ATL2: variants seen among roughly 807,000 people sequenced by gnomAD.
ATL2 encodes atlastin GTPase 2, also known as atlastin-2.
A neutral mutation model predicts 73.9 loss-of-function variants in ATL2; 31 were observed. The ratio of observed to expected loss-of-function variants is 0.42; its 90% CI spans 0.32 to 0.57. ATL2 has a LOEUF of 0.57. Among genes scored for constraint, ATL2 ranks in the 20% least tolerant of loss-of-function variants. The pLI is 0.14. For synonymous variants in ATL2, 291 were observed against 237.5 expected (o/e 1.23, Z -2.07); for missense variants, 738 against 702.6 (o/e 1.05, Z -0.57).
Position 38,363,019 on chromosome 2 carries a change from T to C in ATL2, c.118+14124A>G, listed in dbSNP as rs573992223. Among the ~76,000 whole-genome samples the C allele has an allele frequency of 4.9e-4, 74 of 152,352 alleles. 1 individual carries two copies. In the East Asian group the frequency reaches 0.014, roughly 29 times the overall value. On this transcript the variant is annotated intron_variant, in intron 1 of 12. Transcript: ENST00000378954. ...TAATTTTAGGTGTTGTAGCTTTTAC[T>C]ACAGAAGAGTGAAAAACACAGAGTG...
intron 7 of ATL2, among the ~76,000 whole-genome samples, chr2:38,310,690 T>C (rs1667711599): frequency 6.8e-6 from 1 of 147,412 alleles, no homozygotes; most frequent in Non-Finnish European, 1.5e-5. Context: ...CAGGCTGGAG[T>C]GCAATGGTGC....
chr2:38,318,667 A>G, intron 3 of ATL2, 28 bp from the exon 4 acceptor site: 2 of 1,531,534 alleles, frequency 1.3e-6, no homozygotes, highest in Non-Finnish European at 1.8e-6. Flanking sequence ...TAAAATATTT[A>G]GTAAAACAGT....
intron 1 of ATL2, among the ~76,000 whole-genome samples, chr2:38,368,439 G>C (rs1558460701): frequency 6.6e-6 from 1 of 151,570 alleles, no homozygotes; most frequent in Non-Finnish European, 1.5e-5. Context: ...TTTAGTAGAG[G>C]CGGGGTTTCT....
chr2:38,313,053 G>C (rs545868745), intron 7 of ATL2, 98 bp downstream of exon 7: 6 of 753,242 alleles, frequency 8.0e-6, no homozygotes, highest in South Asian at 7.8e-5. Flanking sequence ...TTATTCCAAC[G>C]ACACGTAAAT....
intron 1 of ATL2, chr2:38,376,465 T>G (rs56257031): frequency 0.032 from 8,534 of 263,490 alleles, 187 homozygotes; most frequent in African/African-American, 0.062. Flanking sequence ...AACCCCAGTT[T>G]GACACGAAAA....
At chr2:38,376,742 C>G (rs1486142966) in intron 1 of ATL2, 1 of 152,340 alleles carries the variant, frequency 6.6e-6, no homozygotes, top group Non-Finnish European at 1.5e-5. Flanking sequence ...GGTCGCCCCG[C>G]CGCGTCCGGA....
intron 2 of ATL2, among the ~76,000 whole-genome samples, chr2:38,337,823 T>G (rs1190992894): frequency 6.6e-6 from 1 of 152,076 alleles, no homozygotes; most frequent in Non-Finnish European, 1.5e-5. Flanking sequence ...AATAAAGTTT[T>G]ACAAAGAAAA....
chr2:38,304,782 T>C (rs772218387), intron 9 of ATL2, among the ~76,000 whole-genome samples: 8 of 151,848 alleles, frequency 5.3e-5, no homozygotes, highest in Non-Finnish European at 8.8e-5. Flanking sequence ...TCAAAAGACA[T>C]ACAACAGATA....
At chr2:38,360,350 A>G (rs977082345) in intron 1 of ATL2, among the ~76,000 whole-genome samples, 2 of 151,646 alleles carry the variant, frequency 1.3e-5, no homozygotes, top group Admixed American at 6.6e-5. Flanking sequence ...CAGTGGCACA[A>G]TCACAGCTCA....
At chr2:38,299,191 A>C (rs1016812742) in intron 11 of ATL2, 65 bp downstream of exon 11, 2 of 995,392 alleles carry the variant, frequency 2.0e-6, no homozygotes, top group Non-Finnish European at 2.7e-6. Context: ...AATTTTTTTA[A>C]TTTTTTTTTT....
Position 38,319,001 on chromosome 2 carries a change from C to T in ATL2, c.382G>A (p.Gly128Ser). The T allele has an allele frequency of 6.2e-7, 1 of 1,613,158 alleles. No homozygotes were observed. Among genetic ancestry groups the T allele is most frequent in the Non-Finnish European group, 8.5e-7 (1 of 1,179,770 alleles). The change falls in exon 3 of 13, where the codon GGT (glycine) becomes AGT (serine). Residue 128 changes from glycine (G) to serine (S), a missense_variant. Coordinates refer to ENST00000378954, the MANE Select transcript of ATL2 (RefSeq NM_001135673.4). Reference protein sequence around the residue: ...MYNKDSQSWIGGNNEPLTGFT... With the variant: ...MYNKDSQSWISGNNEPLTGFT... ...CCTGTCAATGGTTCATTGTTTCCAC[C>T]AATCCAACTTTGAGAATCCTGTTAA...
intron 1 of ATL2, among the ~76,000 whole-genome samples, chr2:38,347,063 G>C (rs777824362): frequency 2.6e-5 from 4 of 152,132 alleles, no homozygotes; most frequent in Non-Finnish European, 5.9e-5. Flanking sequence ...TCTATCACTT[G>C]AATATTTATG....
intron 1 of ATL2, among the ~76,000 whole-genome samples, chr2:38,357,506 T>C (rs1670739841): frequency 1.3e-5 from 2 of 150,760 alleles, no homozygotes; most frequent in South Asian, 4.2e-4. Flanking sequence ...ATACAAAAAT[T>C]AGCTGGGCGT....
At chr2:38,333,025 G>A (rs897838869) in intron 2 of ATL2, among the ~76,000 whole-genome samples, 3 of 151,630 alleles carry the variant, frequency 2.0e-5, no homozygotes, top group Admixed American at 1.3e-4. Flanking sequence ...GACTTGATCT[G>A]AAAAGAAAAA....
intron 9 of ATL2, among the ~76,000 whole-genome samples, chr2:38,302,272 G>A (rs921528574): frequency 6.6e-6 from 1 of 152,004 alleles, no homozygotes. Context: ...CAGATGTTGT[G>A]GCTATGAGGA....
At position 38,310,395 on chromosome 2, in the gene ATL2, T is replaced by C. The variant is rs898360630; in HGVS notation, c.857A>G (p.Asn286Ser). 2.5e-6 allele frequency: 4 copies of C among 1,612,944 alleles called. No homozygotes were observed. The highest frequency in any genetic ancestry group is 2.2e-5 in the East Asian group (1 of 44,804). ...GAAGCAACCAAGATTTGAGAAACAA[T>C]TGTGTATGTGCTTCCTTACATTCTG... ...ELQNVRKHIH[N>S]CFSNLGCFLL... Residue 286 changes from asparagine to serine, a missense_variant, in exon 8 of 13, where the codon AAT becomes AGT. Transcript: ENST00000378954.
At chr2:38,352,808 C>G (rs191364785) in intron 1 of ATL2, among the ~76,000 whole-genome samples, 10 of 152,270 alleles carry the variant, frequency 6.6e-5, no homozygotes, top group African/African-American at 2.4e-4. Flanking sequence ...GACAATCCAT[C>G]CAATCAAAGC....
rs1666825452 is a variant in ATL2, at chr2:38,295,113, G to A, written c.*881C>T. On this transcript the variant is annotated 3_prime_UTR_variant, in exon 13 of 13. Coordinates refer to ENST00000378954, the MANE Select transcript of ATL2 (RefSeq NM_001135673.4). ...ATGAGCCACAAACATTCCTTTCACA[G>A]GGACAGTACTTATTTAGCCTACCAC... 6.6e-6 allele frequency: 1 copy of A among 151,892 alleles called. No homozygotes were observed. Among genetic ancestry groups the A allele is most frequent in the Non-Finnish European group, 1.5e-5 (1 of 68,010 alleles). 9.4% of individuals were successfully genotyped at this position (151,892 alleles called of 1,614,324 possible). A position where few individuals can be genotyped will look rare whatever the true frequency, so the allele number is the denominator to read the frequency against.
rs949705935 is a variant in ATL2, at chr2:38,296,132, G to T, written c.1633-19C>A. ...TCAATACCTGTGGTATGAGAAATGT[G>T]CAAAACAAACAAAAACATGAGGTAA... On this transcript the variant is annotated intron_variant, in intron 12 of 12. Coordinates refer to ENST00000378954, the MANE Select transcript of ATL2 (RefSeq NM_001135673.4). 6.5e-6 allele frequency: 10 copies of T among 1,532,164 alleles called. No homozygotes were observed. In the South Asian group the frequency reaches 1.3e-4, roughly 19 times the overall value. The allele number at this position is 1,532,164 out of a possible 1,614,324, so 94.9% of individuals were successfully genotyped here. A position where few individuals can be genotyped will look rare whatever the true frequency, so the allele number is the denominator to read the frequency against.
Sources: gnomAD v4.1 joint callset for allele counts (sites outside exome capture counted in the v4.1 genomes callset) on GRCh38, gnomAD v4.1.1 for gene constraint, MANE v1.5 for transcripts, NCBI Gene and HGNC (gene_info 2026-07-23, HGNC 2026-07-21) for gene names.